IKZF2: variants seen among roughly 807,000 people sequenced by gnomAD.
IKZF2 encodes IKAROS family zinc finger 2, also known as zinc finger protein Helios.
In IKZF2, 15 loss-of-function variants were observed where a neutral mutation model predicts 49.2. That is an observed-to-expected ratio of 0.30 (90% CI 0.20 to 0.47). IKZF2 has a LOEUF of 0.47. Ranked by LOEUF, IKZF2 falls within the 20% of genes least tolerant of loss-of-function variation. The probability of loss-of-function intolerance (pLI) is 1.00; values close to 1 mark genes in which losing one functional copy is unlikely to be tolerated. For missense variants in IKZF2, 567 were observed against 664.6 expected (o/e 0.85, Z 1.61); for synonymous variants, 227 against 221.4 (o/e 1.03, Z -0.23).
intron 4 of IKZF2, among the ~76,000 whole-genome samples, chr2:213,101,530 T>TCAGA (rs1490895322): frequency 1.4e-5 from 2 of 141,148 alleles, no homozygotes. Flanking sequence ...CACTACCTAC[T>TCAGA]ATTAAGATAA....
intron 6 of IKZF2, among the ~76,000 whole-genome samples, chr2:213,036,278 T>C (rs954130669): frequency 1.3e-5 from 2 of 152,170 alleles, no homozygotes; most frequent in African/African-American, 4.8e-5. Context: ...GAGGCATACA[T>C]GTAATATGTA....
chr2:213,051,601 T>C (rs1025641930), intron 5 of IKZF2, among the ~76,000 whole-genome samples: 1 of 151,904 alleles, frequency 6.6e-6, no homozygotes, highest in Non-Finnish European at 1.5e-5. Context: ...TTACACACAA[T>C]ATACAACTTG....
chr2:213,021,840 T>C lies in IKZF2; in HGVS notation c.712+153A>G. ...AAATAATTTGGGAGTATTGCAAAAT[T>C]TCAATACAGATTATTTGCAATGTAT... On this transcript the variant is annotated intron_variant, in intron 7 of 8. Transcript: ENST00000434687. The C allele has an allele frequency of 6.2e-6, 5 of 812,466 alleles. No homozygotes were observed. In the South Asian group the frequency reaches 9.3e-5, roughly 15 times the overall value. 50.3% of individuals were successfully genotyped at this position (812,466 alleles called of 1,614,324 possible).
intron 4 of IKZF2, among the ~76,000 whole-genome samples, chr2:213,088,924 TA>T (rs1704983648): frequency 6.6e-6 from 1 of 152,204 alleles, no homozygotes; most frequent in Non-Finnish European, 1.5e-5. Flanking sequence ...TCCCCACCTA[TA>T]AGTGAGGACA....
chr2:213,049,408 T>C (rs1293111450), intron 6 of IKZF2, among the ~76,000 whole-genome samples: 1 of 152,110 alleles, frequency 6.6e-6, no homozygotes, highest in African/African-American at 2.4e-5. Flanking sequence ...GGATTAACCA[T>C]AATGACTGCA....
upstream of IKZF2, chr2:213,151,983 C>A (rs1363206158): frequency 2.0e-5 from 3 of 151,942 alleles, no homozygotes; most frequent in South Asian, 2.1e-4. Flanking sequence ...CTCCCTCGCG[C>A]CCACCCGCGC....
intron 4 of IKZF2, among the ~76,000 whole-genome samples, chr2:213,090,261 A>G (rs1705151123): frequency 6.6e-6 from 1 of 152,222 alleles, no homozygotes; most frequent in African/African-American, 2.4e-5. Context: ...GAATCAGGCC[A>G]GTGCGGCCAG....
chr2:213,128,620 T>TTTG (rs10692074), intron 4 of IKZF2, among the ~76,000 whole-genome samples: 19,105 of 151,046 alleles, frequency 0.13, 2,752 homozygotes, highest in African/African-American at 0.36. Flanking sequence ...AAGATAAGGT[T>TTTG]TTGTTGTTGT....
At chr2:213,045,580 C>T (rs1700073503) in intron 6 of IKZF2, among the ~76,000 whole-genome samples, 1 of 152,146 alleles carries the variant, frequency 6.6e-6, no homozygotes, top group Admixed American at 6.5e-5. Flanking sequence ...ACTGAGTGAA[C>T]TTGGGAGCAG....
intron 4 of IKZF2, among the ~76,000 whole-genome samples, chr2:213,100,133 T>C (rs1392664423): frequency 6.6e-6 from 1 of 152,130 alleles, no homozygotes; most frequent in Non-Finnish European, 1.5e-5. Flanking sequence ...TATCCTTCTG[T>C]GGGAAGGACC....
intron 4 of IKZF2, among the ~76,000 whole-genome samples, chr2:213,114,732 G>C (rs1024542882): frequency 6.6e-5 from 10 of 152,090 alleles, no homozygotes; most frequent in African/African-American, 2.4e-4. Flanking sequence ...AAGAGATCGA[G>C]ACCATCCTGG....
chr2:213,083,551 C>CTTTTTTTTTTTTTTTTTT (rs35297007), intron 4 of IKZF2, among the ~76,000 whole-genome samples: 1 of 93,958 alleles, frequency 1.1e-5, no homozygotes. Context: ...ACCAGGCTAA[C>CTTTTTTTTTTTTTTTTTT]TTTTTTTTTT....
intron 4 of IKZF2, among the ~76,000 whole-genome samples, chr2:213,125,919 A>G (rs1214472555): frequency 6.6e-6 from 1 of 152,222 alleles, no homozygotes; most frequent in African/African-American, 2.4e-5. Flanking sequence ...AAATATGTAG[A>G]CACATGATTT....
At chr2:213,118,469 G>C (rs752265858) in intron 4 of IKZF2, among the ~76,000 whole-genome samples, 57 of 152,136 alleles carry the variant, frequency 3.7e-4, no homozygotes, top group Non-Finnish European at 3.2e-4. Context: ...TTCTATATTT[G>C]TAAAACTATA....
chr2:213,151,775 C>A (rs1158671540), upstream of IKZF2, among the ~76,000 whole-genome samples: 3 of 146,494 alleles, frequency 2.0e-5, no homozygotes, highest in Non-Finnish European at 4.5e-5. Flanking sequence ...GAGCCCCGGG[C>A]GCGGGCGAGC....
chr2:213,054,980 T>A (rs1303338914), intron 5 of IKZF2, among the ~76,000 whole-genome samples: 1 of 152,144 alleles, frequency 6.6e-6, no homozygotes, highest in Admixed American at 6.6e-5. Flanking sequence ...CTACAGTGAA[T>A]CACTGATTAA....
rs184337491 is a variant in IKZF2, at chr2:213,074,326, C to T, written c.140-17227G>A. Among the ~76,000 whole-genome samples the T allele has an allele frequency of 3.0e-3, 454 of 152,274 alleles. 3 individuals carry two copies. The highest frequency in any genetic ancestry group is 6.8e-3 in the Middle Eastern group (2 of 294). Reference sequence around the variant, plus strand: ...AGGATAGCCTACTTCATACCTAGGCCGTATGGTATATATTGCCTGTTGTTC... The same window carrying T: ...AGGATAGCCTACTTCATACCTAGGCTGTATGGTATATATTGCCTGTTGTTC... On this transcript the variant is annotated intron_variant, in intron 4 of 8. Transcript: ENST00000434687.
intron 4 of IKZF2, among the ~76,000 whole-genome samples, chr2:213,086,501 T>C (rs1447458489): frequency 6.6e-6 from 1 of 152,190 alleles, no homozygotes; most frequent in Non-Finnish European, 1.5e-5. Context: ...GCAAAAGTGA[T>C]CCTGATCCCA....
chr2:213,127,643 A>G (rs2060310480), intron 4 of IKZF2, among the ~76,000 whole-genome samples: 1 of 152,224 alleles, frequency 6.6e-6, no homozygotes, highest in Non-Finnish European at 1.5e-5. Flanking sequence ...TATTTGATCT[A>G]TATTACACAC....
Sources: allele counts gnomAD v4.1 joint callset (sites outside exome capture counted in the v4.1 genomes callset), GRCh38; gene constraint gnomAD v4.1.1; transcripts MANE v1.5; gene names NCBI Gene and HGNC (gene_info 2026-07-23, HGNC 2026-07-21).